The following SLC14A2 variants were observed in gnomAD, a reference collection of about 807,000 sequenced individuals.
The protein encoded by SLC14A2 is solute carrier family 14 member 2.
A neutral mutation model predicts 104.6 loss-of-function variants in SLC14A2; 91 were observed. The ratio of observed to expected loss-of-function variants is 0.87; its 90% CI spans 0.73 to 1.04. The LOEUF (loss-of-function observed/expected upper bound fraction) is 1.04, where lower values mean the gene tolerates loss of function less well. SLC14A2 is among the 50% of genes least tolerant of loss of function. SLC14A2 has a pLI of 0.00. For missense variants in SLC14A2, 1,189 were observed against 1,156.0 expected, an observed-to-expected ratio of 1.03 and a Z score of -0.41; for synonymous variants, 476 against 466.4, an observed-to-expected ratio of 1.02 and a Z score of -0.27.
Position 45,343,681 on chromosome 18 carries a change from G to T in SLC14A2, c.-125+130490G>T, listed in dbSNP as rs141888611. On this transcript the variant is annotated intron_variant, in intron 1 of 20. Coordinates refer to the SLC14A2 transcript ENST00000586448. ...TGCTATGATTTAATTTTGGCTGAAAGGATTCTCTCTTGCCTTTGTGAAGCC... is the reference window on the plus strand; with the variant it reads ...TGCTATGATTTAATTTTGGCTGAAATGATTCTCTCTTGCCTTTGTGAAGCC... Among the ~76,000 whole-genome samples, 735 of 152,288 alleles carry T rather than the reference G, an allele frequency of 4.8e-3. 8 individuals are homozygous for T. The highest frequency in any genetic ancestry group is 0.017 in the African/African-American group (703 of 41,574).
rs1598775419 is a variant in SLC14A2 at position 45,414,422 on chromosome 18, T to C, written c.-124-68811T>C. On this transcript the variant is annotated intron_variant, in intron 1 of 20. Coordinates refer to the SLC14A2 transcript ENST00000586448. Reference sequence around the variant, plus strand: ...TGAACTGTTTGGGAACAGGGGACTCTTCTGAAGTACCCAACAATTTAAAAG... The same window carrying C: ...TGAACTGTTTGGGAACAGGGGACTCCTCTGAAGTACCCAACAATTTAAAAG... Among the ~76,000 whole-genome samples, 6 of 152,280 alleles carry C rather than the reference T, an allele frequency of 3.9e-5. 1 individual carries two copies. Among genetic ancestry groups the C allele is most frequent in the Admixed American group, 3.9e-4 (6 of 15,286 alleles).
chr18:45,398,809 G>T (rs1272337256), intron 1 of SLC14A2, among the ~76,000 whole-genome samples: 2 of 152,170 alleles, frequency 1.3e-5, no homozygotes, highest in African/African-American at 4.8e-5. Context: ...AATGGTGGTT[G>T]CCAGAAGCTG....
intron 10 of SLC14A2, among the ~76,000 whole-genome samples, chr18:45,661,746 G>T (rs1259834117): frequency 6.6e-6 from 1 of 152,232 alleles, no homozygotes; most frequent in African/African-American, 2.4e-5. Context: ...ACATGCTCTG[G>T]GGAATGGCAC....
At chr18:45,372,313 A>AAT (rs1555679893) in intron 1 of SLC14A2, among the ~76,000 whole-genome samples, 1 of 91,180 alleles carries the variant, frequency 1.1e-5, no homozygotes, top group African/African-American at 8.9e-5. Flanking sequence ...CCTGTCTCAA[A>AAT]AACAATAATA....
intron 2 of SLC14A2, among the ~76,000 whole-genome samples, chr18:45,502,146 G>A (rs1166482388): frequency 6.6e-6 from 1 of 152,190 alleles, no homozygotes; most frequent in African/African-American, 2.4e-5. Context: ...TGGAAGACTT[G>A]TGAAACAGGC....
chr18:45,514,543 T>C (rs2043410750), intron 2 of SLC14A2, among the ~76,000 whole-genome samples: 1 of 152,176 alleles, frequency 6.6e-6, no homozygotes, highest in African/African-American at 2.4e-5. Context: ...GCCTTGTAGA[T>C]GAACTTGATG....
rs1422573378 is a variant in SLC14A2 at position 45,236,545 on chromosome 18, ATG to A, written c.-125+23360_-125+23361del. Among the ~76,000 whole-genome samples, 2 of 124,472 alleles carry A rather than the reference ATG, an allele frequency of 1.6e-5. 1 individual carries two copies. Among genetic ancestry groups the A allele is most frequent in the Non-Finnish European group, 3.4e-5 (2 of 59,148 alleles). The allele number at this position is 124,472 out of a possible 152,430, so 81.7% of individuals were successfully genotyped here. A position where few individuals can be genotyped will look rare whatever the true frequency, so the allele number is the denominator to read the frequency against. On this transcript the variant is annotated intron_variant, in intron 1 of 20. Coordinates refer to the SLC14A2 transcript ENST00000586448. Reference sequence around the variant, plus strand: ...TGTGTATATATGTATATATACATGTATGTGTGTATATATGTGTATATATGTAT... The same window carrying A: ...TGTGTATATATGTATATATACATGTATGTGTATATATGTGTATATATGTAT...
intron 8 of SLC14A2, among the ~76,000 whole-genome samples, chr18:45,642,824 C>A (rs1193173204): frequency 6.6e-6 from 1 of 152,258 alleles, no homozygotes; most frequent in African/African-American, 2.4e-5. Flanking sequence ...CGTAGACTAG[C>A]ATATGATGTG....
At chr18:45,234,900 A>C (rs2084210034) in intron 1 of SLC14A2, among the ~76,000 whole-genome samples, 1 of 152,174 alleles carries the variant, frequency 6.6e-6, no homozygotes, top group African/African-American at 2.4e-5. Context: ...AGTCCTCACA[A>C]CATCCCAGTG....
chr18:45,663,925 C>A lies in SLC14A2; in HGVS notation c.1474+18C>A, dbSNP rs760645993. On this transcript the variant is annotated intron_variant, in intron 11 of 19. Transcript: ENST00000255226. ...GAGCAAAGGTGTGCATGTCCTCCCC[C>A]TCACGCTTGGATCCCTGCCTTCCTA... The A allele has an allele frequency of 6.2e-7, 1 of 1,600,206 alleles. No homozygotes were observed. Among genetic ancestry groups the A allele is most frequent in the Non-Finnish European group, 8.5e-7 (1 of 1,172,730 alleles).
intron 2 of SLC14A2, among the ~76,000 whole-genome samples, chr18:45,569,897 C>A (rs925662866): frequency 6.6e-5 from 10 of 152,182 alleles, no homozygotes; most frequent in Non-Finnish European, 1.3e-4. Context: ...AGCCTACCCC[C>A]CTTCATTCTT....
At chr18:45,387,536 T>A (rs933219816) in intron 1 of SLC14A2, among the ~76,000 whole-genome samples, 1 of 152,238 alleles carries the variant, frequency 6.6e-6, no homozygotes, top group African/African-American at 2.4e-5. Context: ...GGTGAATAAC[T>A]GATAGGATAT....
intron 1 of SLC14A2, among the ~76,000 whole-genome samples, chr18:45,357,599 AGAAG>A (rs1421105937): frequency 6.6e-6 from 1 of 152,136 alleles, no homozygotes; most frequent in Non-Finnish European, 1.5e-5. Flanking sequence ...AGAAATAAGA[AGAAG>A]GAAGGGGAGG....
chr18:45,188,287 C>T, the SLC14A2 span, among the ~76,000 whole-genome samples: 1 of 152,158 alleles, frequency 6.6e-6, no homozygotes, highest in East Asian at 1.9e-4. Context: ...TTCTATTCTA[C>T]TGATGCTCTC....
chr18:45,547,085 G>A (rs754204014), intron 2 of SLC14A2, among the ~76,000 whole-genome samples: 3 of 152,088 alleles, frequency 2.0e-5, no homozygotes, highest in East Asian at 1.9e-4. Flanking sequence ...CTAATCAGAC[G>A]GTCCAGAGCT....
chr18:45,409,242 A>C (rs960964721), intron 1 of SLC14A2, among the ~76,000 whole-genome samples: 1 of 152,194 alleles, frequency 6.6e-6, no homozygotes, highest in Non-Finnish European at 1.5e-5. Flanking sequence ...AGGAGCTGTT[A>C]TGAGTACTAA....
At chr18:45,406,847 A>G (rs2086160805) in intron 1 of SLC14A2, among the ~76,000 whole-genome samples, 1 of 152,168 alleles carries the variant, frequency 6.6e-6, no homozygotes, top group Admixed American at 6.5e-5. Context: ...CTGAGCAGTA[A>G]GTCTCAACAG....
intron 2 of SLC14A2, among the ~76,000 whole-genome samples, chr18:45,597,556 A>G (rs2044732184): frequency 6.6e-6 from 1 of 152,212 alleles, no homozygotes; most frequent in African/African-American, 2.4e-5. Context: ...GGATGAAGGC[A>G]GGAGGTAAAA....
chr18:45,655,433 T>C (rs892443415), intron 10 of SLC14A2, among the ~76,000 whole-genome samples: 3 of 152,222 alleles, frequency 2.0e-5, no homozygotes, highest in African/African-American at 7.2e-5. Context: ...CACCCTGGCC[T>C]CGTTGGACCC....
Sources: gnomAD v4.1 joint callset for allele counts (sites outside exome capture counted in the v4.1 genomes callset) on GRCh38, gnomAD v4.1.1 for gene constraint, MANE v1.5 for transcripts, NCBI Gene and HGNC (gene_info 2026-07-23, HGNC 2026-07-21) for gene names.